GNA14: variants seen among roughly 807,000 people sequenced by gnomAD.
The protein encoded by GNA14 is G protein subunit alpha 14.
Under a neutral mutation model 42.0 loss-of-function variants are expected in GNA14, and 50 were observed. The observed-to-expected ratio is 1.19, with a 90% CI of 0.95 to 1.51. GNA14 has a LOEUF of 1.51. GNA14 is among the 40% of genes most tolerant of loss of function. The pLI, the probability that GNA14 is intolerant of heterozygous loss-of-function variation, is 0.00. For missense variants in GNA14, 473 were observed against 446.2 expected, an observed-to-expected ratio of 1.06 and a Z score of -0.54; for synonymous variants, 173 against 163.1, an observed-to-expected ratio of 1.06 and a Z score of -0.46.
chr9:77,514,999 G>A (rs540776925), intron 2 of GNA14, among the ~76,000 whole-genome samples: 1 of 152,154 alleles, frequency 6.6e-6, no homozygotes, highest in South Asian at 2.1e-4. Context: ...GCAGATGGAG[G>A]ATGTGAGATG....
intron 2 of GNA14, among the ~76,000 whole-genome samples, chr9:77,489,701 G>C (rs1054587012): frequency 6.6e-6 from 1 of 152,100 alleles, no homozygotes; most frequent in Non-Finnish European, 1.5e-5. Flanking sequence ...TTCGCGGTGA[G>C]TGTTACAGCT....
chr9:77,533,972 A>G (rs1219060173), intron 1 of GNA14, among the ~76,000 whole-genome samples: 1 of 152,164 alleles, frequency 6.6e-6, no homozygotes. Flanking sequence ...CCAAACCTCA[A>G]TTATCTGTGT....
chr9:77,475,763 C>T (rs1014917317), intron 2 of GNA14, among the ~76,000 whole-genome samples: 1 of 152,182 alleles, frequency 6.6e-6, no homozygotes, highest in Non-Finnish European at 1.5e-5. Flanking sequence ...TCTGCACAAA[C>T]CCCGTGCACC....
intron 2 of GNA14, among the ~76,000 whole-genome samples, chr9:77,483,367 C>T (rs927041476): frequency 3.3e-5 from 5 of 152,164 alleles, no homozygotes; most frequent in African/African-American, 7.2e-5. Context: ...TGCCGAACAG[C>T]GGTGGCTGTA....
chr9:77,645,852 A>G (rs1172415641), intron 1 of GNA14, among the ~76,000 whole-genome samples: 3 of 152,188 alleles, frequency 2.0e-5, no homozygotes, highest in Non-Finnish European at 4.4e-5. Flanking sequence ...AAAGCATTGC[A>G]AAATGAAATA....
intron 2 of GNA14, among the ~76,000 whole-genome samples, chr9:77,492,236 T>C (rs1836787500): frequency 6.6e-6 from 1 of 151,802 alleles, no homozygotes; most frequent in Non-Finnish European, 1.5e-5. Context: ...AACCTAGTGA[T>C]GCACCTCAAA....
At chr9:77,580,364 G>T in intron 1 of GNA14, 1 of 327,298 alleles carries the variant, frequency 3.1e-6, no homozygotes. Flanking sequence ...CATGCCTTAG[G>T]TGGGAAGGAC....
intron 1 of GNA14, among the ~76,000 whole-genome samples, chr9:77,640,907 A>T (rs1268893619): frequency 6.7e-6 from 1 of 148,382 alleles, no homozygotes; most frequent in African/African-American, 2.5e-5. Flanking sequence ...AGACAGAGGC[A>T]TGTCACAGTG....
intron 1 of GNA14, among the ~76,000 whole-genome samples, chr9:77,563,799 A>G (rs903485299): frequency 6.6e-6 from 1 of 152,192 alleles, no homozygotes; most frequent in Non-Finnish European, 1.5e-5. Context: ...TTTTAAGTCT[A>G]GAATCCTTTT....
chr9:77,464,351 A>ATGTGTGTGTGTGTGTGTGTGTGTG (rs35743834), intron 2 of GNA14, among the ~76,000 whole-genome samples: 1 of 144,706 alleles, frequency 6.9e-6, no homozygotes, highest in Non-Finnish European at 1.5e-5. Flanking sequence ...GTGTGTGTAT[A>ATGTGTGTGTGTGTGTGTGTGTGTG]TGTGTGTGTG....
At chr9:77,453,720 G>A (rs2131706161) in intron 2 of GNA14, among the ~76,000 whole-genome samples, 1 of 152,318 alleles carries the variant, frequency 6.6e-6, no homozygotes, top group East Asian at 1.9e-4. Flanking sequence ...TTATGGAACT[G>A]AGCAAACCTG....
intron 2 of GNA14, among the ~76,000 whole-genome samples, chr9:77,472,221 A>G (rs1178896676): frequency 6.6e-6 from 1 of 152,232 alleles, no homozygotes; most frequent in African/African-American, 2.4e-5. Context: ...AAAATGGACG[A>G]CAGCATATCA....
chr9:77,607,671 T>A (rs1257992826), intron 1 of GNA14, among the ~76,000 whole-genome samples: 1 of 152,216 alleles, frequency 6.6e-6, no homozygotes, highest in Non-Finnish European at 1.5e-5. Context: ...GCTGGGTGGC[T>A]TAACAACAGA....
In GNA14 at chr9:77,425,689, T is replaced by G. The variant is rs1372921514; in HGVS notation, c.750A>C (p.Leu250Phe). The stretch of plus-strand genomic sequence containing the variant: ...AGGGGTAGGTGATGATGGTTTTAAA[T>G]AAGGCTTTGCTCTCTTCCATGCGAT... Reference protein sequence around the residue: ...NENRMEESKALFKTIITYPWF... With the variant: ...NENRMEESKAFFKTIITYPWF... The change falls in exon 6 of 7, where the codon TTA becomes TTC. Residue 250 changes from leucine (L) to phenylalanine (F), a missense_variant. Transcript: ENST00000341700. The G allele has an allele frequency of 6.2e-7, 1 of 1,610,910 alleles. No homozygotes were observed.
chr9:77,625,161 T>C (rs146776819), intron 1 of GNA14, among the ~76,000 whole-genome samples: 8 of 151,652 alleles, frequency 5.3e-5, no homozygotes, highest in African/African-American at 1.9e-4. Flanking sequence ...GTATCAGAGA[T>C]TGAAGATCAA....
At chr9:77,637,625 G>A (rs1824203152) in intron 1 of GNA14, among the ~76,000 whole-genome samples, 1 of 152,236 alleles carries the variant, frequency 6.6e-6, no homozygotes, top group Non-Finnish European at 1.5e-5. Flanking sequence ...TGAAGGCTGA[G>A]GTAGGAGGAT....
intron 2 of GNA14, among the ~76,000 whole-genome samples, chr9:77,462,530 CA>C (rs1261285255): frequency 6.6e-6 from 1 of 152,080 alleles, no homozygotes; most frequent in African/African-American, 2.4e-5. Context: ...CCAGCCTGGC[CA>C]AACTGGTGAA....
chr9:77,466,720 A>G (rs751634570), intron 2 of GNA14, among the ~76,000 whole-genome samples: 46 of 152,116 alleles, frequency 3.0e-4, no homozygotes, highest in Non-Finnish European at 4.4e-4. Context: ...CACTTTAGAT[A>G]ATACATGGTA....
chr9:77,634,108 G>A (rs2118013300), intron 1 of GNA14, among the ~76,000 whole-genome samples: 1 of 152,220 alleles, frequency 6.6e-6, no homozygotes, highest in Non-Finnish European at 1.5e-5. Flanking sequence ...ACCATGTATA[G>A]TTACTAGGAA....
Sources: gnomAD v4.1 joint callset for allele counts (sites outside exome capture counted in the v4.1 genomes callset) on GRCh38, gnomAD v4.1.1 for gene constraint, MANE v1.5 for transcripts, NCBI Gene and HGNC (gene_info 2026-07-23, HGNC 2026-07-21) for gene names.